Variants in DLG2 observed in about 807,000 individuals in gnomAD.
DLG2 encodes discs large MAGUK scaffold protein 2.
In DLG2, 45 loss-of-function variants were observed where a neutral mutation model predicts 132.5. The ratio of observed to expected loss-of-function variants is 0.34; its 90% confidence interval spans 0.27 to 0.44. DLG2 has a LOEUF of 0.44. Ranked by LOEUF, DLG2 falls within the 20% of genes least tolerant of loss-of-function variation. DLG2 has a pLI of 1.00. For synonymous variants in DLG2, 424 were observed against 419.6 expected, an observed-to-expected ratio of 1.01 and a Z score of -0.13; for missense variants, 1,045 against 1,196.9, an observed-to-expected ratio of 0.87 and a Z score of 1.87.
chr11:83,991,138 G>A (rs1036604752), intron 11 of DLG2, among the ~76,000 whole-genome samples: 1 of 152,098 alleles, frequency 6.6e-6, no homozygotes, highest in African/African-American at 2.4e-5. Flanking sequence ...TCACACTGGC[G>A]ACTGCCAATA....
chr11:84,878,078 A>T (rs2086677626), intron 6 of DLG2, among the ~76,000 whole-genome samples: 1 of 152,188 alleles, frequency 6.6e-6, no homozygotes, highest in Admixed American at 6.5e-5. Flanking sequence ...GCTGGAGAGT[A>T]TGTGAAGAAA....
chr11:84,417,887 C>G (rs2098935300), intron 7 of DLG2, among the ~76,000 whole-genome samples: 1 of 152,142 alleles, frequency 6.6e-6, no homozygotes, highest in African/African-American at 2.4e-5. Flanking sequence ...CACTGTAACA[C>G]CTGGGAATGG....
chr11:84,301,288 T>A (rs1599409552), intron 7 of DLG2, among the ~76,000 whole-genome samples: 1 of 152,058 alleles, frequency 6.6e-6, no homozygotes, highest in Admixed American at 6.5e-5. Context: ...AAGCTCATCA[T>A]CACTGGTCAT....
intron 11 of DLG2, among the ~76,000 whole-genome samples, chr11:84,000,825 A>T (rs905607087): frequency 3.3e-5 from 5 of 152,110 alleles, no homozygotes; most frequent in African/African-American, 1.2e-4. Context: ...GAAATTCAAC[A>T]CCACTAGACC....
chr11:84,036,547 CA>C (rs2095867774), intron 11 of DLG2, among the ~76,000 whole-genome samples: 1 of 152,100 alleles, frequency 6.6e-6, no homozygotes, highest in Admixed American at 6.6e-5. Flanking sequence ...GAAGCTTTCA[CA>C]ATCAACTATT....
intron 6 of DLG2, among the ~76,000 whole-genome samples, chr11:84,554,785 A>C (rs576953262): frequency 6.6e-6 from 1 of 152,248 alleles, no homozygotes; most frequent in African/African-American, 2.4e-5. Context: ...AAGTCAAGGA[A>C]ATAAGATGCT....
intron 21 of DLG2, among the ~76,000 whole-genome samples, chr11:83,511,073 A>AACACACACACAC (rs142149345): frequency 3.7e-4 from 33 of 88,480 alleles, no homozygotes; most frequent in African/African-American, 1.3e-3. Flanking sequence ...CACTTGCTCA[A>AACACACACACAC]ACACACACAC....
intron 6 of DLG2, among the ~76,000 whole-genome samples, chr11:84,828,411 T>C (rs2078614673): frequency 6.6e-6 from 1 of 151,784 alleles, no homozygotes; most frequent in South Asian, 2.1e-4. Context: ...GACTAAAGTG[T>C]TGAAGACCAG....
intron 8 of DLG2, among the ~76,000 whole-genome samples, chr11:84,171,283 T>G (rs993874076): frequency 1.3e-5 from 2 of 152,214 alleles, no homozygotes; most frequent in African/African-American, 4.8e-5. Flanking sequence ...GGGGTACAGG[T>G]GCAGTTTTGT....
rs548692239 is a variant in DLG2, at chr11:83,840,944, G to C, written c.1566-7174C>G. On this transcript the variant is annotated intron_variant, in intron 16 of 27. Coordinates refer to ENST00000376104, the MANE Select transcript of DLG2 (RefSeq NM_001142699.3). ...ATACCCTTTTATCTTACTGTTTCCC[G>C]TTTGTCTTTTTTTTCCTTTTATATT... Among the ~76,000 whole-genome samples the C allele has an allele frequency of 1.2e-4, 19 of 152,040 alleles. No individual in the cohort carries two copies. In the South Asian group the frequency reaches 4.0e-3, roughly 32 times the overall value.
chr11:85,292,411 C>T lies in DLG2; in HGVS notation c.41-7046G>A, dbSNP rs181333398. ...GAAAATATAAATTTCACAGCCTAGA[C>T]CCAGTGAAAGCAAGTACCAAGTAAG... On this transcript the variant is annotated intron_variant, in intron 3 of 27. Coordinates refer to ENST00000376104, the MANE Select transcript of DLG2 (RefSeq NM_001142699.3). Among the ~76,000 whole-genome samples the T allele has an allele frequency of 1.4e-3, 212 of 151,544 alleles. 1 individual carries two copies. Among genetic ancestry groups the T allele is most frequent in the Non-Finnish European group, 2.6e-3 (177 of 67,886 alleles).
chr11:85,358,933 GT>G (rs568400343), intron 3 of DLG2, among the ~76,000 whole-genome samples: 4 of 151,796 alleles, frequency 2.6e-5, no homozygotes, highest in Non-Finnish European at 4.4e-5. Context: ...TCTTACCTAA[GT>G]TTTTTTCTCT....
chr11:84,109,538 ATGT>A (rs1327318078), intron 9 of DLG2, among the ~76,000 whole-genome samples: 6 of 152,222 alleles, frequency 3.9e-5, no homozygotes, highest in Admixed American at 3.9e-4. Flanking sequence ...CTGATTTAAG[ATGT>A]TGTCAGTGAT....
In DLG2 at chr11:83,575,472, T is replaced by C. The variant is rs572505517; in HGVS notation, c.1941-33614A>G. 2.6e-5 allele frequency among the ~76,000 whole-genome samples: 4 copies of C among 152,228 alleles called. No homozygotes were observed. In the South Asian group the frequency reaches 8.3e-4, roughly 32 times the overall value. ...AGAAGAGAGCTGCACAGAAAGAAAATTCTGGAAATATGCTGAGAACCACTC... is the reference window on the plus strand; with the variant it reads ...AGAAGAGAGCTGCACAGAAAGAAAACTCTGGAAATATGCTGAGAACCACTC... On this transcript the variant is annotated intron_variant, in intron 19 of 27. Transcript: ENST00000376104.
chr11:83,930,426 G>C lies in DLG2; in HGVS notation c.1398C>G (p.Pro466=), dbSNP rs1421090440. ...CACACTCAACAGGGGAATAGTGCCT[G>C]GGAGAAGCAGGCTTATCACATAGTT... ...VNKLCDKPAS[P]RHYSPVECDK... is the part of the protein sequence containing the mutation. The change falls in exon 15 of 28, where the codon CCC becomes CCG. Residue 466 remains proline, a synonymous_variant. Coordinates refer to ENST00000376104, the MANE Select transcript of DLG2 (RefSeq NM_001142699.3). 3.7e-6 allele frequency: 6 copies of C among 1,614,024 alleles called. No homozygotes were observed. The South Asian group carries it at 4.4e-5, about 12-fold the overall frequency.
At chr11:85,077,533 A>G (rs2066703254) in intron 6 of DLG2, among the ~76,000 whole-genome samples, 1 of 152,106 alleles carries the variant, frequency 6.6e-6, no homozygotes, top group Non-Finnish European at 1.5e-5. Context: ...ACAGATATAA[A>G]GTTAAAAGCA....
intron 18 of DLG2, among the ~76,000 whole-genome samples, chr11:83,746,527 T>C (rs1427702482): frequency 6.6e-6 from 1 of 150,652 alleles, no homozygotes; most frequent in Non-Finnish European, 1.5e-5. Flanking sequence ...AATTGAACAA[T>C]GAGAACACAT....
chr11:85,360,801 C>T (rs1206717754), intron 3 of DLG2, among the ~76,000 whole-genome samples: 1 of 152,202 alleles, frequency 6.6e-6, no homozygotes. Context: ...TCAATAAAAT[C>T]TCTCCTGGTA....
At chr11:84,625,597 T>G (rs978237873) in intron 6 of DLG2, among the ~76,000 whole-genome samples, 1 of 152,184 alleles carries the variant, frequency 6.6e-6, no homozygotes, top group Non-Finnish European at 1.5e-5. Flanking sequence ...TCATTTCTGT[T>G]GGAGGAAAAT....
Sources: allele counts gnomAD v4.1 joint callset (sites outside exome capture counted in the v4.1 genomes callset), GRCh38; gene constraint gnomAD v4.1.1; transcripts MANE v1.5; gene names NCBI Gene and HGNC (gene_info 2026-07-23, HGNC 2026-07-21).